PTPRR: variants seen among roughly 807,000 people sequenced by gnomAD.
The protein encoded by PTPRR is receptor-type tyrosine-protein phosphatase R.
In PTPRR, 38 loss-of-function variants were observed where a neutral mutation model predicts 77.2. That is an observed-to-expected ratio of 0.49 (90% CI 0.38 to 0.65). The LOEUF is 0.65. Ranked by LOEUF, PTPRR falls within the 30% of genes least tolerant of loss-of-function variation. PTPRR has a pLI of 0.00. For synonymous variants in PTPRR, 299 were observed against 283.1 expected (o/e 1.06, Z -0.57); for missense variants, 744 against 799.2 (o/e 0.93, Z 0.83).
At chr12:70,851,113 A>AT (rs1427359910) in intron 2 of PTPRR, among the ~76,000 whole-genome samples, 1 of 152,188 alleles carries the variant, frequency 6.6e-6, no homozygotes, top group Non-Finnish European at 1.5e-5. Context: ...AAAAATACTT[A>AT]TTTTTTAAAA....
At chr12:70,711,044 T>C (rs1315326587) in intron 6 of PTPRR, among the ~76,000 whole-genome samples, 1 of 151,726 alleles carries the variant, frequency 6.6e-6, no homozygotes, top group African/African-American at 2.4e-5. Context: ...CAATCCCATA[T>C]ACCCAAAGGA....
chr12:70,718,224 T>C (rs1352980226), intron 6 of PTPRR, among the ~76,000 whole-genome samples: 2 of 152,166 alleles, frequency 1.3e-5, no homozygotes, highest in Non-Finnish European at 2.9e-5. Context: ...CACTGGAAGC[T>C]ATACTTCTAA....
chr12:70,869,300 A>G (rs1020378941), intron 2 of PTPRR, among the ~76,000 whole-genome samples: 9 of 152,204 alleles, frequency 5.9e-5, no homozygotes, highest in Non-Finnish European at 8.8e-5. Context: ...TTTGTGGTCT[A>G]TAAATTGCAA....
intron 10 of PTPRR, among the ~76,000 whole-genome samples, chr12:70,678,640 T>A (rs958788014): frequency 6.6e-6 from 1 of 152,158 alleles, no homozygotes; most frequent in African/African-American, 2.4e-5. Flanking sequence ...CTTATTTACT[T>A]CCTTCTACTA....
rs146252768 is a variant in PTPRR at position 70,676,923 on chromosome 12, T to C, written c.1497+7204A>G. The stretch of plus-strand genomic sequence containing the variant: ...AAGATCTTTTGTCGCTTCATACAAA[T>C]TTTAGGATTAAAAATTTTTTTCCAT... On this transcript the variant is annotated intron_variant, in intron 10 of 13. Coordinates refer to ENST00000283228, the MANE Select transcript of PTPRR (RefSeq NM_002849.4). Among the ~76,000 whole-genome samples, 716 of 151,328 alleles carry C rather than the reference T, an allele frequency of 4.7e-3. 8 individuals are homozygous for C. Among genetic ancestry groups the C allele is most frequent in the African/African-American group, 0.016 (663 of 41,126 alleles).
chr12:70,814,276 G>A (rs1052955402), intron 2 of PTPRR, among the ~76,000 whole-genome samples: 2 of 152,068 alleles, frequency 1.3e-5, no homozygotes, highest in African/African-American at 4.8e-5. Flanking sequence ...AATGTTCTTG[G>A]GATGAAAGTA....
At chr12:70,680,026 A>G (rs1216761523) in intron 10 of PTPRR, among the ~76,000 whole-genome samples, 1 of 151,574 alleles carries the variant, frequency 6.6e-6, no homozygotes, top group Non-Finnish European at 1.5e-5. Flanking sequence ...GCTTTGATTC[A>G]TTTCTCTTTT....
intron 10 of PTPRR, chr12:70,672,358 G>A (rs1887262504): frequency 7.0e-7 from 1 of 1,419,074 alleles, no homozygotes. Context: ...ATGATGAGAT[G>A]GTCCTCCCAT....
At chr12:70,841,270 A>T (rs1409037765) in intron 2 of PTPRR, among the ~76,000 whole-genome samples, 1 of 152,188 alleles carries the variant, frequency 6.6e-6, no homozygotes, top group Non-Finnish European at 1.5e-5. Context: ...GCAAGAAAGT[A>T]AAATACAGCT....
chr12:70,891,406 T>C (rs574469784), intron 2 of PTPRR, among the ~76,000 whole-genome samples: 1 of 152,082 alleles, frequency 6.6e-6, no homozygotes, highest in Non-Finnish European at 1.5e-5. Context: ...AGAGACATCA[T>C]TAACATCATT....
intron 2 of PTPRR, among the ~76,000 whole-genome samples, chr12:70,849,224 TAA>T (rs1892534704): frequency 6.6e-6 from 1 of 151,840 alleles, no homozygotes; most frequent in East Asian, 1.9e-4. Context: ...GAAGTAGATA[TAA>T]GAGATAAATT....
intron 13 of PTPRR, among the ~76,000 whole-genome samples, chr12:70,642,903 C>T (rs1886059482): frequency 6.6e-6 from 1 of 152,138 alleles, no homozygotes; most frequent in Admixed American, 6.6e-5. Context: ...ATAACCCCAG[C>T]ACTTTGGGAG....
At chr12:70,897,973 A>T (rs935616354) in intron 1 of PTPRR, among the ~76,000 whole-genome samples, 13 of 140,534 alleles carry the variant, frequency 9.3e-5, no homozygotes, top group African/African-American at 2.6e-4. Context: ...GGACACAGGA[A>T]GGGGAACATC....
At chr12:70,745,158 A>G (rs1481300292) in intron 6 of PTPRR, among the ~76,000 whole-genome samples, 3 of 152,052 alleles carry the variant, frequency 2.0e-5, no homozygotes, top group Non-Finnish European at 2.9e-5. Flanking sequence ...TCTGCCTCCC[A>G]GGTTCAAGCA....
chr12:70,724,382 A>G (rs1174718061), intron 6 of PTPRR, among the ~76,000 whole-genome samples: 2 of 152,182 alleles, frequency 1.3e-5, no homozygotes, highest in Non-Finnish European at 2.9e-5. Context: ...CATCTGTAAA[A>G]TGGGGATACA....
chr12:70,653,009 C>T (rs1246417616), intron 13 of PTPRR, among the ~76,000 whole-genome samples: 1 of 152,180 alleles, frequency 6.6e-6, no homozygotes, highest in Non-Finnish European at 1.5e-5. Flanking sequence ...AGGATCAGAA[C>T]AGGTGTTGCT....
At chr12:70,781,058 T>C (rs1891192865) in intron 2 of PTPRR, among the ~76,000 whole-genome samples, 1 of 152,220 alleles carries the variant, frequency 6.6e-6, no homozygotes, top group Non-Finnish European at 1.5e-5. Flanking sequence ...ATCACTTTCG[T>C]GATTTGAAGT....
chr12:70,669,582 A>G (rs931061428), intron 10 of PTPRR, among the ~76,000 whole-genome samples: 2 of 151,354 alleles, frequency 1.3e-5, no homozygotes, highest in Non-Finnish European at 2.9e-5. Flanking sequence ...ACACACACAC[A>G]CACACAAGCT....
chr12:70,654,018 G>C (rs1171856683), intron 13 of PTPRR, among the ~76,000 whole-genome samples: 1 of 152,184 alleles, frequency 6.6e-6, no homozygotes, highest in Admixed American at 6.5e-5. Flanking sequence ...GAATGTTACA[G>C]ATGGGAAGGG....
Sources: allele counts gnomAD v4.1 joint callset (sites outside exome capture counted in the v4.1 genomes callset), GRCh38; gene constraint gnomAD v4.1.1; transcripts MANE v1.5; gene names NCBI Gene and HGNC (gene_info 2026-07-23, HGNC 2026-07-21).